The following PDE10A variants were observed in gnomAD, a reference collection of about 807,000 sequenced individuals.
PDE10A encodes the protein phosphodiesterase 10A.
Under a neutral mutation model 97.7 loss-of-function variants are expected in PDE10A, and 39 were observed. That is an observed-to-expected ratio of 0.40 (90% CI 0.31 to 0.52). The LOEUF (loss-of-function observed/expected upper bound fraction) is 0.52, where lower values mean the gene tolerates loss of function less well. PDE10A is among the 20% of genes least tolerant of loss of function. PDE10A has a pLI of 0.56. For missense variants in PDE10A, 731 were observed against 1,047.8 expected, an observed-to-expected ratio of 0.70 and a Z score of 4.17; for synonymous variants, 371 against 376.8, an observed-to-expected ratio of 0.98 and a Z score of 0.18.
At chr6:165,930,707 C>T (rs1408579479) in intron 1 of PDE10A, among the ~76,000 whole-genome samples, 1 of 152,256 alleles carries the variant, frequency 6.6e-6, no homozygotes, top group African/African-American at 2.4e-5. Flanking sequence ...GATTCCTATT[C>T]TTCCATAAAG....
At chr6:165,428,855 A>G in intron 9 of PDE10A, 146 bp from the exon 10 acceptor site, 1 of 513,286 alleles carries the variant, frequency 1.9e-6, no homozygotes, top group South Asian at 2.9e-5. Flanking sequence ...TTGGCAAAAA[A>G]AAAAATCAGT....
intron 1 of PDE10A, among the ~76,000 whole-genome samples, chr6:165,597,517 T>A (rs368722495): frequency 6.6e-6 from 1 of 152,202 alleles, no homozygotes; most frequent in South Asian, 2.1e-4. Context: ...CCTTAGGCTA[T>A]CTGGGTTGAT....
intron 1 of PDE10A, among the ~76,000 whole-genome samples, chr6:165,670,876 C>A (rs955408124): frequency 1.3e-5 from 2 of 152,048 alleles, no homozygotes; most frequent in Non-Finnish European, 2.9e-5. Context: ...GCAAAAGGAC[C>A]CCTTAGATGG....
At chr6:165,425,389 C>A (rs1345250039) in intron 10 of PDE10A, among the ~76,000 whole-genome samples, 2 of 151,992 alleles carry the variant, frequency 1.3e-5, no homozygotes, top group East Asian at 1.9e-4. Context: ...CTTTAACATC[C>A]AAGAATCAAT....
At chr6:165,762,276 C>T (rs1583051668) in intron 1 of PDE10A, among the ~76,000 whole-genome samples, 1 of 152,332 alleles carries the variant, frequency 6.6e-6, no homozygotes, top group South Asian at 2.1e-4. Context: ...TGAGACTGAT[C>T]TCCCATCTCT....
At chr6:165,732,356 G>A (rs990982354) in intron 1 of PDE10A, among the ~76,000 whole-genome samples, 1 of 152,206 alleles carries the variant, frequency 6.6e-6, no homozygotes, top group Non-Finnish European at 1.5e-5. Context: ...CCCTAGAGGT[G>A]GGGCAGACCC....
intron 2 of PDE10A, among the ~76,000 whole-genome samples, chr6:165,518,706 G>T (rs530420010): frequency 6.6e-6 from 1 of 152,204 alleles, no homozygotes; most frequent in East Asian, 1.9e-4. Flanking sequence ...GTCTGCTGAG[G>T]TTGCTAAGAT....
chr6:165,536,602 TA>T (rs750499018), intron 2 of PDE10A, among the ~76,000 whole-genome samples: 209 of 137,608 alleles, frequency 1.5e-3, no homozygotes, highest in East Asian at 2.1e-3. Context: ...AGATCAATAG[TA>T]AAAAAAAAAA....
At chr6:165,746,550 G>T (rs1792847837) in intron 1 of PDE10A, among the ~76,000 whole-genome samples, 1 of 152,246 alleles carries the variant, frequency 6.6e-6, no homozygotes, top group African/African-American at 2.4e-5. Context: ...TAGTGAGGGT[G>T]TGTCCCGAGT....
intron 2 of PDE10A, among the ~76,000 whole-genome samples, chr6:165,537,582 A>G (rs988835280): frequency 3.9e-5 from 6 of 151,972 alleles, no homozygotes; most frequent in African/African-American, 1.4e-4. Flanking sequence ...ATTTTAAAAT[A>G]TGTAAATACC....
At chr6:165,886,797 A>G (rs1781643041) in intron 1 of PDE10A, among the ~76,000 whole-genome samples, 1 of 152,206 alleles carries the variant, frequency 6.6e-6, no homozygotes, top group Non-Finnish European at 1.5e-5. Flanking sequence ...CTCTGGAGGA[A>G]CATACCTTTC....
chr6:165,739,302 G>A (rs1228410847), intron 1 of PDE10A, among the ~76,000 whole-genome samples: 1 of 152,158 alleles, frequency 6.6e-6, no homozygotes, highest in Non-Finnish European at 1.5e-5. Flanking sequence ...ATAAACCAAT[G>A]GAACAGAGTA....
chr6:165,912,554 C>T (rs182194668), intron 1 of PDE10A, among the ~76,000 whole-genome samples: 1 of 152,316 alleles, frequency 6.6e-6, no homozygotes, highest in East Asian at 1.9e-4. Flanking sequence ...GATTTTTCAG[C>T]CTACAATGGC....
At position 165,388,687 on chromosome 6, in the gene PDE10A, C is replaced by T. The variant is rs1382871045; in HGVS notation, c.2455-234G>A. Among the ~76,000 whole-genome samples, 2 of 152,062 alleles carry T rather than the reference C, an allele frequency of 1.3e-5. No homozygotes were observed. Among genetic ancestry groups the T allele is most frequent in the African/African-American group, 4.8e-5 (2 of 41,402 alleles). Reference sequence around the variant, plus strand: ...TTTCTCTGCTTAGGAATCTGATAGTCAAATTATTTTTGAGTTTCTCTCTCA... The same window carrying T: ...TTTCTCTGCTTAGGAATCTGATAGTTAAATTATTTTTGAGTTTCTCTCTCA... On this transcript the variant is annotated intron_variant, in intron 16 of 21. Transcript: ENST00000539869. The surrounding 1 kb of genome is among the most constrained non-coding windows in gnomAD (Gnocchi z 4.0).
At chr6:165,384,674 G>T (rs1785168899) in intron 17 of PDE10A, among the ~76,000 whole-genome samples, 2 of 107,892 alleles carry the variant, frequency 1.9e-5, no homozygotes, top group Admixed American at 1.0e-4. Context: ...GTGTGTATGG[G>T]GGGGGGCGAC....
intron 10 of PDE10A, among the ~76,000 whole-genome samples, chr6:165,422,219 C>T (rs912462833): frequency 1.2e-4 from 18 of 152,130 alleles, no homozygotes; most frequent in Non-Finnish European, 2.4e-4. Context: ...TTTATAAAGT[C>T]CAAACATCAG....
chr6:165,592,059 T>C (rs951618172), intron 1 of PDE10A, among the ~76,000 whole-genome samples: 5 of 152,174 alleles, frequency 3.3e-5, no homozygotes, highest in Non-Finnish European at 7.3e-5. Context: ...CAAACTATAC[T>C]ACAACGCTAT....
At chr6:165,672,690 C>T (rs574132114) in intron 1 of PDE10A, among the ~76,000 whole-genome samples, 2 of 152,316 alleles carry the variant, frequency 1.3e-5, no homozygotes, top group South Asian at 4.1e-4. Context: ...CTATGTGAGA[C>T]GTTCCTTTCA....
intron 1 of PDE10A, among the ~76,000 whole-genome samples, chr6:165,871,545 C>A (rs1246816446): frequency 1.3e-5 from 2 of 152,214 alleles, no homozygotes; most frequent in South Asian, 2.1e-4. Flanking sequence ...AAACATTCAG[C>A]AGGAGACATT....
Sources: allele counts gnomAD v4.1 joint callset (sites outside exome capture counted in the v4.1 genomes callset), GRCh38; gene constraint gnomAD v4.1.1; non-coding constraint Gnocchi (gnomAD v3.1); transcripts MANE v1.5; gene names NCBI Gene and HGNC (gene_info 2026-07-23, HGNC 2026-07-21).